Variants in ZCCHC14 observed in about 807,000 individuals in gnomAD.
The protein encoded by ZCCHC14 is zinc finger CCHC-type containing 14.
Under a neutral mutation model 85.0 loss-of-function variants are expected in ZCCHC14, and 16 were observed. The observed-to-expected ratio is 0.19, with a 90% CI of 0.13 to 0.29. The LOEUF is 0.29. Ranked by LOEUF, ZCCHC14 falls within the 10% of genes least tolerant of loss-of-function variation. ZCCHC14 has a pLI of 1.00. For synonymous variants in ZCCHC14, 775 were observed against 630.7 expected (o/e 1.23, Z -3.43); for missense variants, 1,303 against 1,443.5 (o/e 0.90, Z 1.58).
At position 87,409,567 on chromosome 16, in the gene ZCCHC14, G is replaced by T. The variant is rs1908344316; in HGVS notation, c.*713C>A. 1 of 152,484 alleles carries T rather than the reference G, an allele frequency of 6.6e-6. No homozygotes were observed. The highest frequency in any genetic ancestry group is 2.4e-5 in the African/African-American group (1 of 41,466). 9.4% of individuals were successfully genotyped at this position (152,484 alleles called of 1,614,324 possible). A position where few individuals can be genotyped will look rare whatever the true frequency, so the allele number is the denominator to read the frequency against. ...TATTTCTATTTAATAACGTAGTTTA[G>T]ATTTATTTGCAGAAAAAAATTAAAA... is the stretch of plus-strand genomic sequence containing the variant. On this transcript the variant is annotated 3_prime_UTR_variant, in exon 13 of 13. Coordinates refer to ENST00000671377, the MANE Select transcript of ZCCHC14 (RefSeq NM_015144.3).
At chr16:87,448,860 A>C (rs1019416039) in intron 2 of ZCCHC14, among the ~76,000 whole-genome samples, 24 of 152,246 alleles carry the variant, frequency 1.6e-4, no homozygotes, top group African/African-American at 5.5e-4. Context: ...ACCCCTCGTC[A>C]CACTGAAACC....
intron 2 of ZCCHC14, among the ~76,000 whole-genome samples, chr16:87,458,636 G>C (rs556541212): frequency 6.6e-6 from 1 of 152,184 alleles, no homozygotes; most frequent in African/African-American, 2.4e-5. Context: ...TTGTCAGAAC[G>C]GGACTTTAGA....
intron 2 of ZCCHC14, among the ~76,000 whole-genome samples, chr16:87,440,944 A>C (rs190301352): frequency 3.1e-3 from 469 of 151,432 alleles, no homozygotes; most frequent in Non-Finnish European, 4.7e-3. Flanking sequence ...GAAAGCATAG[A>C]AATACTCTCT....
rs1393125932 is a variant in ZCCHC14, at chr16:87,414,456, G to A, written c.1561C>T (p.His521Tyr). ...CGCCCCGACTGCACGGGCCCGACGT[G>A]GCTGGTGGGGGGCACTCGAGCCACA... ...SGVARVPPTS[H>Y]VGPVQSGRGS... is the part of the protein sequence containing the mutation. The change falls in exon 10 of 13, where the codon CAC becomes TAC. Residue 521 changes from histidine (H) to tyrosine (Y), a missense_variant. Around this residue, in one of 7 missense-constraint regions of ZCCHC14, gnomAD observed 58 missense variants for 88.2 expected, o/e 0.66. Coordinates refer to ENST00000671377, the MANE Select transcript of ZCCHC14 (RefSeq NM_015144.3). 1 of 1,612,970 alleles carries A rather than the reference G, an allele frequency of 6.2e-7. No individual in the cohort carries two copies. Among genetic ancestry groups the A allele is most frequent in the African/African-American group, 1.3e-5 (1 of 74,958 alleles).
rs117587899 is a variant in ZCCHC14, at chr16:87,431,705, C to T, written c.768+1423G>A. Among the ~76,000 whole-genome samples, 758 of 152,278 alleles carry T rather than the reference C, an allele frequency of 5.0e-3. 4 individuals are homozygous for T. The highest frequency in any genetic ancestry group is 7.3e-3 in the Non-Finnish European group (497 of 68,026). ...CACCTTCTTAAGTGCACAGTCCCCACCAGTATCTGAAGAGGCCTGACACCG... is the reference window on the plus strand; with the variant it reads ...CACCTTCTTAAGTGCACAGTCCCCATCAGTATCTGAAGAGGCCTGACACCG... On this transcript the variant is annotated intron_variant, in intron 3 of 12. Coordinates refer to ENST00000671377, the MANE Select transcript of ZCCHC14 (RefSeq NM_015144.3).
intron 2 of ZCCHC14, among the ~76,000 whole-genome samples, chr16:87,434,942 T>C (rs1909842253): frequency 7.6e-6 from 1 of 130,842 alleles, no homozygotes; most frequent in Non-Finnish European, 1.5e-5. Flanking sequence ...AGTGAGCCGA[T>C]ATCGCGCCAT....
intron 1 of ZCCHC14, among the ~76,000 whole-genome samples, chr16:87,484,555 G>C (rs1248266009): frequency 6.6e-6 from 1 of 152,226 alleles, no homozygotes; most frequent in Non-Finnish European, 1.5e-5. Flanking sequence ...ATCTAAGCGT[G>C]TATATGGTGT....
intron 1 of ZCCHC14, among the ~76,000 whole-genome samples, chr16:87,466,827 G>C (rs1269894849): frequency 6.6e-6 from 1 of 152,150 alleles, no homozygotes. Flanking sequence ...AAGTGAAGTT[G>C]TGATGGCTTC....
rs774733990 is a variant in ZCCHC14 at position 87,411,982 on chromosome 16, C to T, written c.2739G>A (p.Pro913=). ...HHHHQQPPAP[P]QPAPPPPGCI... is the part of the protein sequence containing the mutation. The stretch of plus-strand genomic sequence containing the variant: ...AGCCTGGCGGGGGTGGGGCGGGCTG[C>T]GGGGGTGCCGGGGGCTGCTGATGGT... The change falls in exon 12 of 13, where the codon CCG becomes CCA. Residue 913 remains proline (P), a synonymous_variant. Coordinates refer to ENST00000671377, the MANE Select transcript of ZCCHC14 (RefSeq NM_015144.3). 90 of 1,606,308 alleles carry T rather than the reference C, an allele frequency of 5.6e-5. No individual in the cohort carries two copies. The highest frequency in any genetic ancestry group is 8.8e-5 in the South Asian group (8 of 90,632).
intron 2 of ZCCHC14, among the ~76,000 whole-genome samples, chr16:87,451,576 G>C (rs1910704510): frequency 6.6e-6 from 1 of 152,204 alleles, no homozygotes; most frequent in African/African-American, 2.4e-5. Flanking sequence ...ACATATTAAG[G>C]TAAACATTCT....
rs1226942960 is a variant in ZCCHC14 at position 87,414,454 on chromosome 16, G to A, written c.1563C>T (p.His521=). The A allele has an allele frequency of 3.7e-6, 6 of 1,613,160 alleles. No individual in the cohort carries two copies. The highest frequency in any genetic ancestry group is 2.2e-5 in the East Asian group (1 of 44,884). The part of the protein sequence containing the change: ...SGVARVPPTS[H]VGPVQSGRGS... ...CCCGCCCCGACTGCACGGGCCCGAC[G>A]TGGCTGGTGGGGGGCACTCGAGCCA... The change falls in exon 10 of 13, where the codon CAC becomes CAT. Residue 521 remains histidine (H), a synonymous_variant. Coordinates refer to ENST00000671377, the MANE Select transcript of ZCCHC14 (RefSeq NM_015144.3).
At chr16:87,462,117 A>G (rs959781741) in intron 1 of ZCCHC14, among the ~76,000 whole-genome samples, 61 of 83,698 alleles carry the variant, frequency 7.3e-4, no homozygotes, top group African/African-American at 2.8e-3. Context: ...ATTTCTAAAA[A>G]AGTAAAAAAA....
rs151092492 is a variant in ZCCHC14 at position 87,470,329 on chromosome 16, C to CAAATAAAT, written c.571-10206_571-10199dup. ...TGGGAGACAGCACGACACCCCAACT[C>CAAATAAAT]AAATAAATAAATAAATAAATAAATA... On this transcript the variant is annotated intron_variant, in intron 1 of 12. Transcript: ENST00000671377. The CAAATAAAT allele has an allele frequency of 2.2e-3, 337 of 151,596 alleles. 4 individuals carry two copies. Among genetic ancestry groups the CAAATAAAT allele is most frequent in the African/African-American group, 7.5e-3 (307 of 41,112 alleles). 9.4% of individuals were successfully genotyped at this position (151,596 alleles called of 1,614,324 possible).
chr16:87,483,304 CAAAAAAAAAAA>C (rs56708958), intron 1 of ZCCHC14, among the ~76,000 whole-genome samples: 1 of 43,666 alleles, frequency 2.3e-5, no homozygotes, highest in Non-Finnish European at 4.3e-5. Context: ...CTAAAAATAC[CAAAAAAAAAAA>C]AAAAAAAAAA....
chr16:87,409,401 T>C lies in ZCCHC14; in HGVS notation c.*879A>G, dbSNP rs117086985. The C allele has an allele frequency of 0.017, 2,599 of 151,564 alleles. 28 individuals are homozygous for C. Among genetic ancestry groups the C allele is most frequent in the Middle Eastern group, 0.048 (14 of 294 alleles). The allele number at this position is 151,564 out of a possible 1,614,324, so 9.4% of individuals were successfully genotyped here. Reference sequence around the variant, plus strand: ...CACTCACAGAGCCGCGCTGTCGCCGTCCCCCCTCGAGAGGTCATTTGTAGT... The same window carrying C: ...CACTCACAGAGCCGCGCTGTCGCCGCCCCCCCTCGAGAGGTCATTTGTAGT... On this transcript the variant is annotated 3_prime_UTR_variant, in exon 13 of 13. Coordinates refer to ENST00000671377, the MANE Select transcript of ZCCHC14 (RefSeq NM_015144.3).
chr16:87,410,746 G>C (rs1043308876), intron 12 of ZCCHC14, among the ~76,000 whole-genome samples: 1 of 152,224 alleles, frequency 6.6e-6, no homozygotes, highest in Admixed American at 6.5e-5. Flanking sequence ...CAGAGCGCCT[G>C]TCAACCCACC....
intron 3 of ZCCHC14, 117 bp downstream of exon 3, chr16:87,433,011 C>T (rs1909739417): frequency 1.8e-6 from 2 of 1,098,586 alleles, no homozygotes; most frequent in African/African-American, 1.6e-5. Flanking sequence ...TCCTATACAG[C>T]ACTGGCACGG....
Position 87,420,505 on chromosome 16 carries a change from C to G in ZCCHC14, c.950+102G>C, listed in dbSNP as rs974921222. The G allele has an allele frequency of 1.1e-6, 1 of 892,446 alleles. No individual in the cohort carries two copies. Among genetic ancestry groups the G allele is most frequent in the South Asian group, 1.8e-5 (1 of 56,828 alleles). 55.3% of individuals were successfully genotyped at this position (892,446 alleles called of 1,614,324 possible). ...AAGTAGAGACCCAGGTCCAGGTGAC[C>G]GCGCATCCTCCCAGAGCTCCTTGGA... is the stretch of plus-strand genomic sequence containing the variant. On this transcript the variant is annotated intron_variant, in intron 5 of 12. Transcript: ENST00000671377. The surrounding 1 kb of genome is among the most constrained non-coding windows in gnomAD (Gnocchi z 5.0).
At chr16:87,434,095 G>C (rs1474689503) in intron 2 of ZCCHC14, among the ~76,000 whole-genome samples, 1 of 152,228 alleles carries the variant, frequency 6.6e-6, no homozygotes, top group Non-Finnish European at 1.5e-5. Flanking sequence ...GACAGCCAGA[G>C]GGATGAGCGG....
Sources: allele counts gnomAD v4.1 joint callset (sites outside exome capture counted in the v4.1 genomes callset), GRCh38; gene constraint gnomAD v4.1.1; regional missense constraint gnomAD v4.1.1; non-coding constraint Gnocchi (gnomAD v3.1); transcripts MANE v1.5; gene names NCBI Gene and HGNC (gene_info 2026-07-23, HGNC 2026-07-21).